PACRG: variants seen among roughly 807,000 people sequenced by gnomAD.
PACRG encodes parkin coregulated.
A neutral mutation model predicts 29.7 loss-of-function variants in PACRG; 29 were observed. The ratio of observed to expected loss-of-function variants is 0.98; its 90% CI spans 0.73 to 1.33. The LOEUF (loss-of-function observed/expected upper bound fraction) is 1.33, where lower values mean the gene tolerates loss of function less well. Ranked by LOEUF, PACRG falls within the 40% of genes most tolerant of loss-of-function variation. PACRG has a pLI of 0.00. For synonymous variants in PACRG, 116 were observed against 118.7 expected, an observed-to-expected ratio of 0.98 and a Z score of 0.15; for missense variants, 279 against 316.2, an observed-to-expected ratio of 0.88 and a Z score of 0.89.
At chr6:163,254,584 C>G (rs1783037624) in intron 4 of PACRG, among the ~76,000 whole-genome samples, 1 of 152,216 alleles carries the variant, frequency 6.6e-6, no homozygotes, top group Non-Finnish European at 1.5e-5. Context: ...AGTTTGCTCT[C>G]CCCTTTAAGG....
chr6:163,252,335 G>A (rs1402140137), intron 4 of PACRG, among the ~76,000 whole-genome samples: 1 of 152,364 alleles, frequency 6.6e-6, no homozygotes, highest in Non-Finnish European at 1.5e-5. Flanking sequence ...CAAGGCAGAC[G>A]CAGGCCCTGC....
chr6:162,990,443 G>C (rs1803350217), intron 2 of PACRG, among the ~76,000 whole-genome samples: 2 of 149,470 alleles, frequency 1.3e-5, no homozygotes, highest in Non-Finnish European at 3.0e-5. Context: ...ACTGGTGTGA[G>C]ATGATATCTC....
chr6:162,962,988 G>A (rs1800753711), intron 2 of PACRG, among the ~76,000 whole-genome samples: 1 of 152,124 alleles, frequency 6.6e-6, no homozygotes, highest in South Asian at 2.1e-4. Flanking sequence ...GTCACTTTGA[G>A]GGACCACATT....
rs182788090 is a variant in PACRG at position 162,754,830 on chromosome 6, A to G, written c.156+26439A>G. ...ATGGCAGTACAATGTCATTACGTCAATTTTTTGGAAGAGTTGGAGAAGTAT... is the reference window on the plus strand; with the variant it reads ...ATGGCAGTACAATGTCATTACGTCAGTTTTTTGGAAGAGTTGGAGAAGTAT... On this transcript the variant is annotated intron_variant, in intron 1 of 4. Transcript: ENST00000366888. Among the ~76,000 whole-genome samples the G allele has an allele frequency of 4.2e-3, 638 of 152,078 alleles. 1 individual carries two copies. Among genetic ancestry groups the G allele is most frequent in the African/African-American group, 0.015 (607 of 41,526 alleles).
intron 1 of PACRG, among the ~76,000 whole-genome samples, chr6:162,789,401 A>G (rs1011476844): frequency 6.6e-6 from 1 of 152,164 alleles, no homozygotes; most frequent in Non-Finnish European, 1.5e-5. Context: ...TAGCATAACC[A>G]TATTGGTACA....
Position 163,250,906 on chromosome 6 carries a change from T to TATATATATATATAC in PACRG, c.614-63920_614-63919insTATATATATATACA, listed in dbSNP as rs1026185460. Reference sequence around the variant, plus strand: ...TTGTATATATATATATATATATATATACACTATGGAATATTACTCAGCCAT... The same window carrying TATATATATATATAC: ...TTGTATATATATATATATATATATATATATATATATATACACACTATGGAATATTACTCAGCCAT... On this transcript the variant is annotated intron_variant, in intron 4 of 4. Coordinates refer to ENST00000366888, the MANE Select transcript of PACRG (RefSeq NM_001080379.2). Among the ~76,000 whole-genome samples, 79 of 149,306 alleles carry TATATATATATATAC rather than the reference T, an allele frequency of 5.3e-4. 3 individuals carry two copies. Among genetic ancestry groups the TATATATATATATAC allele is most frequent in the African/African-American group, 1.6e-3 (65 of 40,128 alleles).
At chr6:163,057,185 G>C (rs1247775167) in intron 2 of PACRG, among the ~76,000 whole-genome samples, 1 of 152,116 alleles carries the variant, frequency 6.6e-6, no homozygotes, top group Non-Finnish European at 1.5e-5. Context: ...TTCCTCTTTA[G>C]ACTTGCAGAC....
chr6:163,013,007 C>A (rs537519732), intron 2 of PACRG, among the ~76,000 whole-genome samples: 1 of 152,042 alleles, frequency 6.6e-6, no homozygotes, highest in Non-Finnish European at 1.5e-5. Flanking sequence ...ATTTTGAAGA[C>A]TTCAGATGAA....
At chr6:163,186,568 G>A (rs1338989835) in intron 4 of PACRG, among the ~76,000 whole-genome samples, 1 of 152,130 alleles carries the variant, frequency 6.6e-6, no homozygotes, top group East Asian at 1.9e-4. Context: ...TTCTTACTAA[G>A]AGTTGGAACT....
chr6:162,999,174 G>A (rs187479300), intron 2 of PACRG, among the ~76,000 whole-genome samples: 3 of 152,106 alleles, frequency 2.0e-5, no homozygotes, highest in African/African-American at 4.8e-5. Flanking sequence ...AATAATTATG[G>A]GCAGAAATAA....
At chr6:163,154,299 A>AG (rs1310199370) in intron 4 of PACRG, among the ~76,000 whole-genome samples, 1 of 152,238 alleles carries the variant, frequency 6.6e-6, no homozygotes, top group Non-Finnish European at 1.5e-5. Context: ...TTCATTGGCC[A>AG]GTGCCACTGC....
At chr6:162,865,988 C>T (rs1792267830) in intron 2 of PACRG, among the ~76,000 whole-genome samples, 1 of 151,988 alleles carries the variant, frequency 6.6e-6, no homozygotes, top group Non-Finnish European at 1.5e-5. Context: ...TTTTCTAATG[C>T]ATGAAAGAAA....
chr6:162,841,808 T>C (rs1164373977), intron 2 of PACRG, among the ~76,000 whole-genome samples: 1 of 152,124 alleles, frequency 6.6e-6, no homozygotes, highest in Admixed American at 6.5e-5. Flanking sequence ...TTTGTTCTCG[T>C]TGGTTTCAAA....
At chr6:162,947,615 T>TATATATATATATATATATAAAC (rs1799294987) in intron 2 of PACRG, among the ~76,000 whole-genome samples, 1 of 22,526 alleles carries the variant, frequency 4.4e-5, no homozygotes, top group Non-Finnish European at 9.5e-5. Context: ...TATAATCATA[T>TATATATATATATATATATAAAC]ATATATATAT....
At chr6:162,857,166 C>T (rs879713182) in intron 2 of PACRG, among the ~76,000 whole-genome samples, 1 of 152,148 alleles carries the variant, frequency 6.6e-6, no homozygotes, top group Non-Finnish European at 1.5e-5. Context: ...TAGCAAAGGC[C>T]CCCATCTTGC....
At chr6:163,240,362 A>G (rs981775792) in intron 4 of PACRG, among the ~76,000 whole-genome samples, 18 of 152,176 alleles carry the variant, frequency 1.2e-4, no homozygotes, top group Admixed American at 6.5e-5. Context: ...TTGTTTAAAG[A>G]TTTAGGGAAA....
intron 1 of PACRG, among the ~76,000 whole-genome samples, chr6:162,757,945 ATT>A (rs1782056835): frequency 6.6e-6 from 1 of 152,116 alleles, no homozygotes; most frequent in African/African-American, 2.4e-5. Context: ...TGAAATGAAA[ATT>A]ATACTCGAAT....
At chr6:163,163,961 A>C (rs1416326247) in intron 4 of PACRG, among the ~76,000 whole-genome samples, 1 of 152,192 alleles carries the variant, frequency 6.6e-6, no homozygotes, top group African/African-American at 2.4e-5. Context: ...TTAAGCTGTC[A>C]TGAATCAAAG....
At chr6:163,233,529 T>A (rs1340220333) in intron 4 of PACRG, among the ~76,000 whole-genome samples, 1 of 152,194 alleles carries the variant, frequency 6.6e-6, no homozygotes, top group Non-Finnish European at 1.5e-5. Flanking sequence ...CATTTCACTG[T>A]GTGAGAAAAC....
Sources: allele counts gnomAD v4.1 joint callset (sites outside exome capture counted in the v4.1 genomes callset), GRCh38; gene constraint gnomAD v4.1.1; transcripts MANE v1.5; gene names NCBI Gene and HGNC (gene_info 2026-07-23, HGNC 2026-07-21).